The following SDK1 variants were observed in gnomAD, a reference collection of about 807,000 sequenced individuals.
The protein encoded by SDK1 is sidekick cell adhesion molecule 1.
In SDK1, 157 loss-of-function variants were observed where a neutral mutation model predicts 245.5. That is an observed-to-expected ratio of 0.64 (90% CI 0.56 to 0.73). The LOEUF (loss-of-function observed/expected upper bound fraction) is 0.73. SDK1 is among the 30% of genes least tolerant of loss of function. SDK1 has a pLI of 0.00. For missense variants in SDK1, 3,583 were observed against 3,002.3 expected (o/e 1.19, Z -4.52); for synonymous variants, 1,647 against 1,278.5 (o/e 1.29, Z -6.15).
In SDK1 at chr7:4,087,934, G is replaced by A. The variant is rs540694345; in HGVS notation, c.3324+8350G>A. ...TTTTCTGCCTGTGTTGTTTGCATAG[G>A]GGAACACAATTGATTTTTAAATATT... On this transcript the variant is annotated intron_variant, in intron 22 of 44. Coordinates refer to ENST00000404826, the MANE Select transcript of SDK1 (RefSeq NM_152744.4). Among the ~76,000 whole-genome samples the A allele has an allele frequency of 9.9e-5, 15 of 152,194 alleles. 1 individual carries two copies. Among genetic ancestry groups the A allele is most frequent in the Admixed American group, 9.8e-4 (15 of 15,284 alleles).
chr7:4,133,669 C>T (rs1482536710), intron 28 of SDK1, among the ~76,000 whole-genome samples: 1 of 152,148 alleles, frequency 6.6e-6, no homozygotes, highest in Non-Finnish European at 1.5e-5. Context: ...GGGATGGAGG[C>T]TGGGCCGGGT....
At chr7:3,969,117 C>T (rs1454515063) in intron 10 of SDK1, 140 bp from the exon 11 acceptor site, 8 of 709,606 alleles carry the variant, frequency 1.1e-5, no homozygotes, top group South Asian at 2.6e-5. Context: ...CCTCCCCCGA[C>T]GTGGGGATTG....
intron 5 of SDK1, among the ~76,000 whole-genome samples, chr7:3,837,344 C>G (rs1780050444): frequency 6.6e-6 from 1 of 152,166 alleles, no homozygotes; most frequent in South Asian, 2.1e-4. Context: ...CATTTTCCAG[C>G]TTCTCTTAAA....
At chr7:3,918,769 A>T (rs530474664) in intron 5 of SDK1, among the ~76,000 whole-genome samples, 7 of 152,170 alleles carry the variant, frequency 4.6e-5, no homozygotes, top group Non-Finnish European at 7.4e-5. Flanking sequence ...AGGTCTCTGC[A>T]GGAAATGACG....
chr7:3,949,865 A>G (rs966490553), intron 5 of SDK1, among the ~76,000 whole-genome samples: 4 of 152,202 alleles, frequency 2.6e-5, no homozygotes, highest in African/African-American at 9.6e-5. Context: ...AAACTGCAGT[A>G]ACAGAACTGA....
intron 5 of SDK1, among the ~76,000 whole-genome samples, chr7:3,836,153 A>C (rs1477388070): frequency 1.3e-5 from 2 of 152,224 alleles, no homozygotes; most frequent in Non-Finnish European, 2.9e-5. Flanking sequence ...AAACTGAATG[A>C]GCCACGTGGA....
chr7:3,931,238 C>T (rs1779966561), intron 5 of SDK1, among the ~76,000 whole-genome samples: 1 of 152,168 alleles, frequency 6.6e-6, no homozygotes, highest in Non-Finnish European at 1.5e-5. Flanking sequence ...GAGAAATTCA[C>T]AACCAAACAC....
At chr7:3,838,021 C>T (rs991897890) in intron 5 of SDK1, among the ~76,000 whole-genome samples, 1 of 152,148 alleles carries the variant, frequency 6.6e-6, no homozygotes, top group African/African-American at 2.4e-5. Flanking sequence ...AGGATACCTC[C>T]CTGTATTTTG....
At chr7:4,007,040 T>C (rs1785535315) in intron 14 of SDK1, among the ~76,000 whole-genome samples, 1 of 152,272 alleles carries the variant, frequency 6.6e-6, no homozygotes, top group Admixed American at 6.5e-5. Context: ...GTTTGTTCAC[T>C]GTGCCTGACG....
intron 1 of SDK1, among the ~76,000 whole-genome samples, chr7:3,334,932 A>G (rs997275397): frequency 6.6e-6 from 1 of 151,956 alleles, no homozygotes; most frequent in African/African-American, 2.4e-5. Context: ...AAGTGGCTTT[A>G]TCATTTACCC....
intron 4 of SDK1, among the ~76,000 whole-genome samples, chr7:3,763,936 C>G (rs76157205): frequency 1.8e-4 from 28 of 152,270 alleles, no homozygotes; most frequent in Non-Finnish European, 2.8e-4. Context: ...GCCACTGTTA[C>G]CTCAGACAGT....
intron 1 of SDK1, among the ~76,000 whole-genome samples, chr7:3,541,054 C>G (rs1779038447): frequency 6.6e-6 from 1 of 152,162 alleles, no homozygotes; most frequent in Non-Finnish European, 1.5e-5. Flanking sequence ...TCCAAAGTGT[C>G]TCAAACATTT....
chr7:3,971,619 T>C, intron 12 of SDK1, 51 bp downstream of exon 12: 1 of 1,358,020 alleles, frequency 7.4e-7, no homozygotes, highest in Non-Finnish European at 1.0e-6. Context: ...TTCTGTGAGT[T>C]TCTGAAGTGA....
chr7:4,243,502 A>G (rs1355806551), intron 43 of SDK1, among the ~76,000 whole-genome samples: 1 of 152,238 alleles, frequency 6.6e-6, no homozygotes, highest in East Asian at 1.9e-4. Flanking sequence ...ACAGTTCCAC[A>G]TGGCTGGGGA....
At position 3,664,890 on chromosome 7, in the gene SDK1, CAT is replaced by C. The variant is rs576625112; in HGVS notation, c.713+22788_713+22789del. Among the ~76,000 whole-genome samples the C allele has an allele frequency of 4.2e-3, 637 of 152,260 alleles. 4 individuals are homozygous for C. Among genetic ancestry groups the C allele is most frequent in the African/African-American group, 0.014 (594 of 41,548 alleles). On this transcript the variant is annotated intron_variant, in intron 4 of 44. Transcript: ENST00000404826. ...TCCAAGAAACAGAAACTGTTACTTT[CAT>C]ATCTTATTTGAAAAATGGCAATGAT...
chr7:3,596,720 A>G (rs1562590756), intron 1 of SDK1, among the ~76,000 whole-genome samples: 1 of 152,224 alleles, frequency 6.6e-6, no homozygotes, highest in Non-Finnish European at 1.5e-5. Flanking sequence ...GAAGAACTTC[A>G]GACAAAGGAA....
At chr7:3,948,990 A>G (rs1194582082) in intron 5 of SDK1, among the ~76,000 whole-genome samples, 1 of 152,204 alleles carries the variant, frequency 6.6e-6, no homozygotes, top group Non-Finnish European at 1.5e-5. Context: ...TTCACAGATG[A>G]CAGGCAGGCC....
intron 44 of SDK1, among the ~76,000 whole-genome samples, chr7:4,252,675 A>G (rs572262363): frequency 6.6e-6 from 1 of 152,194 alleles, no homozygotes; most frequent in East Asian, 1.9e-4. Context: ...TTATTGAATG[A>G]TTTGGGAAGT....
At position 3,475,222 on chromosome 7, in the gene SDK1, C is replaced by T. The variant is rs942947529; in HGVS notation, c.299-143858C>T. Among the ~76,000 whole-genome samples the T allele has an allele frequency of 4.6e-5, 7 of 152,178 alleles. No homozygotes were observed. The South Asian group carries it at 1.0e-3, about 23-fold the overall frequency. On this transcript the variant is annotated intron_variant, in intron 1 of 44. Transcript: ENST00000404826. The stretch of plus-strand genomic sequence containing the variant: ...AACTCTCCCTCCTGCTCTTTAGTGT[C>T]ACTTGCTTCTTGTTGTCTTCAAGGC...
Sources: gnomAD v4.1 joint callset for allele counts (sites outside exome capture counted in the v4.1 genomes callset) on GRCh38, gnomAD v4.1.1 for gene constraint, MANE v1.5 for transcripts, NCBI Gene and HGNC (gene_info 2026-07-23, HGNC 2026-07-21) for gene names.